Variants in CNTN5 observed in about 807,000 individuals in gnomAD.
CNTN5 encodes contactin-5.
CNTN5 carries 77 observed loss-of-function variants against 129.1 expected under a neutral mutation model. That is an observed-to-expected ratio of 0.60 (90% CI 0.50 to 0.72). CNTN5 has a LOEUF of 0.72. Among genes scored for constraint, CNTN5 ranks in the 30% least tolerant of loss-of-function variants. CNTN5 has a pLI of 0.00. For missense variants in CNTN5, 1,478 were observed against 1,328.8 expected, an observed-to-expected ratio of 1.11 and a Z score of -1.75; for synonymous variants, 509 against 465.6, an observed-to-expected ratio of 1.09 and a Z score of -1.20.
chr11:99,918,939 C>G (rs573849680), intron 7 of CNTN5, among the ~76,000 whole-genome samples: 16 of 152,140 alleles, frequency 1.1e-4, no homozygotes, highest in Non-Finnish European at 2.2e-4. Context: ...GCCCTTCCTG[C>G]CAGTGTAACC....
chr11:99,506,595 A>G (rs1946629639), intron 2 of CNTN5, among the ~76,000 whole-genome samples: 1 of 42,890 alleles, frequency 2.3e-5, no homozygotes, highest in Admixed American at 3.6e-4. Context: ...GTGTTTGTAT[A>G]GTAAAAGTGT....
chr11:99,040,335 G>C (rs1046272395), intron 1 of CNTN5, among the ~76,000 whole-genome samples: 2 of 152,096 alleles, frequency 1.3e-5, no homozygotes, highest in Non-Finnish European at 1.5e-5. Flanking sequence ...TGTAGCTTAA[G>C]TAAGTCACAG....
intron 3 of CNTN5, among the ~76,000 whole-genome samples, chr11:99,673,356 G>T (rs987862910): frequency 6.6e-6 from 1 of 152,164 alleles, no homozygotes; most frequent in Non-Finnish European, 1.5e-5. Context: ...GTAAAATAAA[G>T]ATAATAAGAA....
At chr11:100,294,571 A>T (rs1008744518) in intron 18 of CNTN5, among the ~76,000 whole-genome samples, 1 of 151,750 alleles carries the variant, frequency 6.6e-6, no homozygotes, top group Non-Finnish European at 1.5e-5. Flanking sequence ...AATATGCTCA[A>T]GACATTTATC....
chr11:99,387,548 C>T (rs1309177305), intron 2 of CNTN5, among the ~76,000 whole-genome samples: 1 of 152,158 alleles, frequency 6.6e-6, no homozygotes, highest in African/African-American at 2.4e-5. Context: ...TTCATACTAT[C>T]CAGCTAGAAC....
intron 13 of CNTN5, among the ~76,000 whole-genome samples, chr11:100,171,104 A>G (rs2138409119): frequency 6.6e-6 from 1 of 152,056 alleles, no homozygotes; most frequent in East Asian, 1.9e-4. Context: ...GACTCTGTTC[A>G]AAAAAATAAC....
intron 2 of CNTN5, among the ~76,000 whole-genome samples, chr11:99,433,684 G>A (rs1565578838): frequency 6.6e-6 from 1 of 152,094 alleles, no homozygotes; most frequent in Non-Finnish European, 1.5e-5. Context: ...TCAAGACATT[G>A]AGAAGACACT....
At chr11:99,823,674 C>G (rs1282366613) in intron 4 of CNTN5, among the ~76,000 whole-genome samples, 9 of 151,898 alleles carry the variant, frequency 5.9e-5, no homozygotes. Flanking sequence ...ATGAAAGTGT[C>G]TTGTGACTAT....
rs1381640038 is a variant in CNTN5 at position 99,804,823 on chromosome 11, A to C, written c.56-14721A>C. On this transcript the variant is annotated intron_variant, in intron 3 of 24. Transcript: ENST00000524871. The stretch of plus-strand genomic sequence containing the variant: ...TATGAATTTTACTTTTTAAATAACT[A>C]TTTTATATGTATATACATATAAAAT... Among the ~76,000 whole-genome samples the C allele has an allele frequency of 2.7e-5, 4 of 150,144 alleles. No homozygotes were observed. The South Asian group carries it at 6.3e-4, about 23-fold the overall frequency.
chr11:100,050,514 T>C (rs1013561260), intron 9 of CNTN5, among the ~76,000 whole-genome samples: 1 of 151,946 alleles, frequency 6.6e-6, no homozygotes, highest in East Asian at 1.9e-4. Context: ...TTAGGAGATA[T>C]ACCTAATGCT....
At chr11:99,560,956 T>A (rs1257965441) in intron 3 of CNTN5, among the ~76,000 whole-genome samples, 8 of 152,228 alleles carry the variant, frequency 5.3e-5, no homozygotes, top group Non-Finnish European at 8.8e-5. Context: ...TAATACCTAT[T>A]TCATTTCTCT....
chr11:99,985,140 T>C (rs886675022), intron 8 of CNTN5, among the ~76,000 whole-genome samples: 2 of 152,186 alleles, frequency 1.3e-5, no homozygotes, highest in African/African-American at 4.8e-5. Context: ...TGGGATGGCT[T>C]CCCTCTGCTG....
chr11:100,266,368 G>A (rs1010489094), intron 17 of CNTN5, among the ~76,000 whole-genome samples: 1 of 152,046 alleles, frequency 6.6e-6, no homozygotes, highest in African/African-American at 2.4e-5. Flanking sequence ...TTGAAACCAA[G>A]TTGTCCCTAA....
chr11:99,227,518 C>T (rs570109810), intron 1 of CNTN5, among the ~76,000 whole-genome samples: 5 of 152,146 alleles, frequency 3.3e-5, no homozygotes, highest in South Asian at 4.2e-4. Flanking sequence ...AATTCATTTA[C>T]GTCTAGGTAA....
In CNTN5 at chr11:100,125,366, A is replaced by G. The variant is rs531469907; in HGVS notation, c.1580+51072A>G. ...ATCCTCAGTGTCTATTTTCATCTTT[A>G]TGTCCATGTGTACTCATCGTTCAGT... On this transcript the variant is annotated intron_variant, in intron 13 of 24. Coordinates refer to ENST00000524871, the MANE Select transcript of CNTN5 (RefSeq NM_014361.4). Among the ~76,000 whole-genome samples, 12 of 152,024 alleles carry G rather than the reference A, an allele frequency of 7.9e-5. No homozygotes were observed. In the South Asian group the frequency reaches 2.5e-3, roughly 32 times the overall value.
At chr11:99,380,565 T>C (rs1483619644) in intron 2 of CNTN5, among the ~76,000 whole-genome samples, 1 of 151,634 alleles carries the variant, frequency 6.6e-6, no homozygotes, top group East Asian at 1.9e-4. Context: ...AGGTCAGAAG[T>C]TGGAGAGCAG....
At chr11:100,131,606 T>C (rs1013052086) in intron 13 of CNTN5, among the ~76,000 whole-genome samples, 3 of 150,790 alleles carry the variant, frequency 2.0e-5, no homozygotes, top group African/African-American at 7.3e-5. Flanking sequence ...AGAGTATAAA[T>C]GAAAAGGGAA....
At chr11:99,026,630 AAATACCATTT>A (rs1402271203) in intron 1 of CNTN5, among the ~76,000 whole-genome samples, 1 of 151,786 alleles carries the variant, frequency 6.6e-6, no homozygotes, top group African/African-American at 2.4e-5. Flanking sequence ...GTGACAGAAT[AAATACCATTT>A]AATATTGGAA....
chr11:99,934,036 A>G (rs1316601912), intron 7 of CNTN5, among the ~76,000 whole-genome samples: 1 of 152,168 alleles, frequency 6.6e-6, no homozygotes. Context: ...CTATCATTCT[A>G]TGTTTGAAAA....
Sources: gnomAD v4.1 joint callset for allele counts (sites outside exome capture counted in the v4.1 genomes callset) on GRCh38, gnomAD v4.1.1 for gene constraint, MANE v1.5 for transcripts, NCBI Gene and HGNC (gene_info 2026-07-23, HGNC 2026-07-21) for gene names.